Variants in GRIN2B observed in about 807,000 individuals in gnomAD.
GRIN2B encodes glutamate ionotropic receptor NMDA type subunit 2B, also known as glutamate receptor ionotropic, NMDA 2B.
GRIN2B carries 5 observed loss-of-function variants against 114.5 expected under a neutral mutation model. The ratio of observed to expected loss-of-function variants is 0.04; its 90% CI spans 0.02 to 0.09. The LOEUF is 0.09. Among genes scored for constraint, GRIN2B ranks in the 10% least tolerant of loss-of-function variants. The pLI, the probability that GRIN2B is intolerant of heterozygous loss-of-function variation, is 1.00. For missense variants in GRIN2B, 1,108 were observed against 1,943.5 expected, an observed-to-expected ratio of 0.57 and a Z score of 8.08; for synonymous variants, 787 against 745.1, an observed-to-expected ratio of 1.06 and a Z score of -0.92.
rs976786505 is a variant in GRIN2B, at chr12:13,937,971, G to A, written c.-19+41957C>T. 1.1e-4 allele frequency among the ~76,000 whole-genome samples: 16 copies of A among 152,130 alleles called. No individual in the cohort carries two copies. The East Asian group carries it at 1.9e-3, about 18-fold the overall frequency. On this transcript the variant is annotated intron_variant, in intron 2 of 13. Transcript: ENST00000609686. ...GGAAGTATGCAATGTCATACCTTAC[G>A]TGTGAAGAGATACAATGTTGACTCT...
chr12:13,785,104 G>C (rs1864200498), intron 3 of GRIN2B, among the ~76,000 whole-genome samples: 1 of 152,170 alleles, frequency 6.6e-6, no homozygotes, highest in African/African-American at 2.4e-5. Flanking sequence ...CAATTCAAAA[G>C]AAAAAGCCAA....
intron 2 of GRIN2B, among the ~76,000 whole-genome samples, chr12:13,950,640 A>T (rs1867463326): frequency 6.6e-6 from 1 of 152,188 alleles, no homozygotes; most frequent in Non-Finnish European, 1.5e-5. Context: ...CACAATGAAC[A>T]ATGAAGAAAT....
intron 3 of GRIN2B, among the ~76,000 whole-genome samples, chr12:13,785,916 T>C (rs1039262506): frequency 1.1e-4 from 16 of 152,218 alleles, no homozygotes; most frequent in African/African-American, 3.9e-4. Context: ...CTGTGTTAAG[T>C]AATGTTTTCA....
chr12:13,721,121 G>A (rs1251218204), intron 4 of GRIN2B, among the ~76,000 whole-genome samples: 1 of 152,038 alleles, frequency 6.6e-6, no homozygotes, highest in African/African-American at 2.4e-5. Context: ...AATGGCAAGA[G>A]TGAGCTGGCA....
At chr12:13,598,692 C>A (rs1205301540) in intron 10 of GRIN2B, among the ~76,000 whole-genome samples, 4 of 152,144 alleles carry the variant, frequency 2.6e-5, no homozygotes, top group Admixed American at 6.5e-5. Flanking sequence ...CTGGCTACCT[C>A]CTTGGCAGAG....
At chr12:13,656,080 T>G (rs926969920) in intron 5 of GRIN2B, among the ~76,000 whole-genome samples, 2 of 152,228 alleles carry the variant, frequency 1.3e-5, no homozygotes, top group African/African-American at 2.4e-5. Flanking sequence ...TCCACTCATC[T>G]TCCTCAATCT....
chr12:13,850,503 C>G (rs1865542538), intron 3 of GRIN2B, among the ~76,000 whole-genome samples: 1 of 152,186 alleles, frequency 6.6e-6, no homozygotes, highest in South Asian at 2.1e-4. Context: ...CAGGCCCCAT[C>G]AGACTGGGGG....
chr12:13,709,532 A>T (rs1234001677), intron 4 of GRIN2B, among the ~76,000 whole-genome samples: 1 of 152,048 alleles, frequency 6.6e-6, no homozygotes, highest in Admixed American at 6.6e-5. Context: ...GGTTAATATA[A>T]AAAATACTTG....
chr12:13,596,415 A>G (rs1949074552), intron 10 of GRIN2B, among the ~76,000 whole-genome samples: 1 of 152,202 alleles, frequency 6.6e-6, no homozygotes, highest in African/African-American at 2.4e-5. Flanking sequence ...TAAGCTACTC[A>G]TGGTCTTCTT....
At chr12:13,647,689 A>G (rs1209790836) in intron 5 of GRIN2B, among the ~76,000 whole-genome samples, 1 of 152,058 alleles carries the variant, frequency 6.6e-6, no homozygotes, top group African/African-American at 2.4e-5. Flanking sequence ...GGGTAGCCTG[A>G]CTAGCATTGA....
chr12:13,701,467 C>T (rs894566555), intron 4 of GRIN2B, among the ~76,000 whole-genome samples: 12 of 148,226 alleles, frequency 8.1e-5, no homozygotes, highest in African/African-American at 2.5e-5. Flanking sequence ...TTAACTAATA[C>T]TTACCAAGCA....
At chr12:13,948,970 G>A (rs1308234863) in intron 2 of GRIN2B, among the ~76,000 whole-genome samples, 1 of 152,154 alleles carries the variant, frequency 6.6e-6, no homozygotes, top group Non-Finnish European at 1.5e-5. Flanking sequence ...TGGGAAAGGA[G>A]GGAAAGCAGT....
At chr12:13,800,798 A>G (rs144068210) in intron 3 of GRIN2B, among the ~76,000 whole-genome samples, 149 of 152,306 alleles carry the variant, frequency 9.8e-4, no homozygotes, top group African/African-American at 3.2e-3. Context: ...GATCTAATTA[A>G]CCAAATACGT....
chr12:13,573,916 C>T (rs1948739670), intron 10 of GRIN2B, among the ~76,000 whole-genome samples: 2 of 152,216 alleles, frequency 1.3e-5, no homozygotes. Context: ...ACAACTACTA[C>T]TTCCTGACTG....
At chr12:13,629,047 A>G (rs1949596410) in intron 5 of GRIN2B, among the ~76,000 whole-genome samples, 1 of 152,198 alleles carries the variant, frequency 6.6e-6, no homozygotes, top group African/African-American at 2.4e-5. Context: ...AAAAGGCTTG[A>G]AGGATCTGTG....
intron 3 of GRIN2B, among the ~76,000 whole-genome samples, chr12:13,784,938 G>A (rs963738197): frequency 2.6e-5 from 4 of 152,234 alleles, no homozygotes; most frequent in Non-Finnish European, 1.5e-5. Context: ...TATGAGAAAC[G>A]AGACATGGTT....
chr12:13,916,707 A>G (rs1249296463), intron 2 of GRIN2B, among the ~76,000 whole-genome samples: 2 of 76,216 alleles, frequency 2.6e-5, no homozygotes, highest in African/African-American at 4.4e-5. Flanking sequence ...CCATACATAT[A>G]CATATACACA....
chr12:13,696,923 T>C (rs1286186122), intron 4 of GRIN2B, among the ~76,000 whole-genome samples: 1 of 152,166 alleles, frequency 6.6e-6, no homozygotes, highest in Non-Finnish European at 1.5e-5. Flanking sequence ...AACTTAATAA[T>C]GCTTTAGCCG....
chr12:13,723,067 A>C (rs536466778), intron 4 of GRIN2B, among the ~76,000 whole-genome samples: 3 of 152,096 alleles, frequency 2.0e-5, no homozygotes, highest in African/African-American at 7.2e-5. Context: ...ACTGCTGGAG[A>C]CGTGCATATA....
Sources: allele counts gnomAD v4.1 joint callset (sites outside exome capture counted in the v4.1 genomes callset), GRCh38; gene constraint gnomAD v4.1.1; transcripts MANE v1.5; gene names NCBI Gene and HGNC (gene_info 2026-07-23, HGNC 2026-07-21).